The following ITSN2 variants were observed in gnomAD, a reference collection of about 807,000 sequenced individuals.
ITSN2 encodes the protein intersectin 2.
ITSN2 carries 156 observed loss-of-function variants against 243.7 expected under a neutral mutation model. The ratio of observed to expected loss-of-function variants is 0.64; its 90% CI spans 0.56 to 0.73. The LOEUF is 0.73. Among genes scored for constraint, ITSN2 ranks in the 30% least tolerant of loss-of-function variants. The probability of loss-of-function intolerance (pLI) is 0.00; values close to 1 mark genes in which losing one functional copy is unlikely to be tolerated. For missense variants in ITSN2, 1,801 were observed against 1,996.1 expected (o/e 0.90, Z 1.86); for synonymous variants, 703 against 699.9 (o/e 1.00, Z -0.07).
At chr2:24,357,452 C>A (rs1024027655) in intron 1 of ITSN2, among the ~76,000 whole-genome samples, 7 of 152,022 alleles carry the variant, frequency 4.6e-5, no homozygotes, top group Non-Finnish European at 8.8e-5. Flanking sequence ...CAGAGGGGAA[C>A]AACACACACC....
intron 30 of ITSN2, chr2:24,220,436 TATG>T: frequency 1.0e-6 from 1 of 986,992 alleles, no homozygotes; most frequent in Non-Finnish European, 1.2e-6. Context: ...ACAGTAGCTA[TATG>T]ATATTTGGGA....
At chr2:24,276,658 C>T (rs956092958) in intron 17 of ITSN2, among the ~76,000 whole-genome samples, 4 of 152,268 alleles carry the variant, frequency 2.6e-5, no homozygotes, top group East Asian at 1.9e-4. Flanking sequence ...CAACATCTTA[C>T]GTGGTTTTAA....
At chr2:24,295,906 T>C (rs1021459166) in intron 13 of ITSN2, 102 bp from the exon 14 acceptor site, 5 of 842,328 alleles carry the variant, frequency 5.9e-6, no homozygotes, top group Non-Finnish European at 8.6e-6. Context: ...ATCTCAGTTA[T>C]CATTCATATT....
chr2:24,300,615 A>T (rs1413928396), intron 11 of ITSN2, among the ~76,000 whole-genome samples: 2 of 151,954 alleles, frequency 1.3e-5, no homozygotes, highest in Non-Finnish European at 2.9e-5. Context: ...GCTACTCAGG[A>T]GGCTGAGACA....
chr2:24,309,958 G>A (rs1253508960), intron 7 of ITSN2, among the ~76,000 whole-genome samples: 3 of 152,094 alleles, frequency 2.0e-5, no homozygotes, highest in African/African-American at 7.2e-5. Context: ...AATTAACAAT[G>A]TACAATGAGT....
chr2:24,245,388 C>T (rs933018223), intron 29 of ITSN2, among the ~76,000 whole-genome samples: 1 of 151,846 alleles, frequency 6.6e-6, no homozygotes, highest in Admixed American at 6.6e-5. Context: ...ATGTAAACAG[C>T]GAGAAATAAA....
At chr2:24,334,365 T>C (rs952246316) in intron 1 of ITSN2, 2 of 348,686 alleles carry the variant, frequency 5.7e-6, no homozygotes, top group African/African-American at 2.1e-5. Flanking sequence ...AGCCTGATTT[T>C]TGTATTTTTA....
intron 17 of ITSN2, among the ~76,000 whole-genome samples, chr2:24,280,703 G>T (rs918124008): frequency 1.3e-5 from 2 of 152,200 alleles, no homozygotes; most frequent in African/African-American, 4.8e-5. Context: ...GCAACTCCAT[G>T]CTTTTCTGGG....
At chr2:24,257,755 CCAG>C (rs1675254595) in intron 23 of ITSN2, 130 bp downstream of exon 23, 1 of 750,210 alleles carries the variant, frequency 1.3e-6, no homozygotes, top group Non-Finnish European at 2.2e-6. Flanking sequence ...CCACGGCCGG[CCAG>C]AATTACCTTT....
In ITSN2 at chr2:24,307,725, C is replaced by T. The variant is rs138955632; in HGVS notation, c.793+892G>A. 1.5e-3 allele frequency among the ~76,000 whole-genome samples: 227 copies of T among 152,296 alleles called. 1 individual carries two copies. The highest frequency in any genetic ancestry group is 5.1e-3 in the African/African-American group (214 of 41,556). ...AAAGTCTTACTGCTCGTTCCCTTGC[C>T]TCTCTGCATAACTACAGACCCTGGA... On this transcript the variant is annotated intron_variant, in intron 8 of 39. Coordinates refer to ENST00000355123, the MANE Select transcript of ITSN2 (RefSeq NM_006277.3).
intron 29 of ITSN2, among the ~76,000 whole-genome samples, chr2:24,237,741 G>A (rs1672327100): frequency 6.6e-6 from 1 of 152,000 alleles, no homozygotes; most frequent in African/African-American, 2.4e-5. Flanking sequence ...TCAGAACTCC[G>A]TTTCATCATT....
chr2:24,286,810 T>C (rs1309973114), intron 15 of ITSN2, among the ~76,000 whole-genome samples: 3 of 152,182 alleles, frequency 2.0e-5, no homozygotes, highest in African/African-American at 7.2e-5. Flanking sequence ...ACAGCAAAGA[T>C]TCAGTAAGTA....
At chr2:24,259,101 A>G (rs1675453724) in intron 22 of ITSN2, among the ~76,000 whole-genome samples, 1 of 152,212 alleles carries the variant, frequency 6.6e-6, no homozygotes, top group South Asian at 2.1e-4. Context: ...TCCCTAATAC[A>G]CATAGCTTAA....
chr2:24,287,233 C>T (rs560480638), intron 15 of ITSN2, among the ~76,000 whole-genome samples: 24 of 152,216 alleles, frequency 1.6e-4, no homozygotes, highest in African/African-American at 5.3e-4. Flanking sequence ...TCAGGACAAA[C>T]AGATCTAGTT....
chr2:24,350,767 T>G (rs1205663702), intron 1 of ITSN2, among the ~76,000 whole-genome samples: 1 of 152,216 alleles, frequency 6.6e-6, no homozygotes, highest in Non-Finnish European at 1.5e-5. Flanking sequence ...TATTGTATAA[T>G]TCCATTTATA....
intron 1 of ITSN2, among the ~76,000 whole-genome samples, chr2:24,356,206 A>T (rs1431445076): frequency 6.6e-6 from 1 of 150,906 alleles, no homozygotes; most frequent in Non-Finnish European, 1.5e-5. Context: ...CCATCTCAAA[A>T]AAAAAAAAAA....
At chr2:24,221,539 A>G (rs1447911443) in intron 29 of ITSN2, 1 of 153,576 alleles carries the variant, frequency 6.5e-6, no homozygotes, top group African/African-American at 2.4e-5. Context: ...AATATTGTGA[A>G]ATGTTTAGTT....
Position 24,210,042 on chromosome 2 carries a change from GAA to G in ITSN2, c.4258-11_4258-10del. ...GAGTTGAAAATAAGTTGCTTAAAGA[GAA>G]AGAAAATTTCACTTTTTAAATCCCG... On this transcript the variant is annotated splice_polypyrimidine_tract_variant and intron_variant, in intron 34 of 39. Coordinates refer to ENST00000355123, the MANE Select transcript of ITSN2 (RefSeq NM_006277.3). The G allele has an allele frequency of 6.2e-7, 1 of 1,605,402 alleles. No individual in the cohort carries two copies. Among genetic ancestry groups the G allele is most frequent in the Non-Finnish European group, 8.5e-7 (1 of 1,172,632 alleles).
In ITSN2 at chr2:24,246,686, A is replaced by G. The variant is rs1255528253; in HGVS notation, c.3385+111T>C. The G allele has an allele frequency of 8.5e-6, 6 of 708,402 alleles. No individual in the cohort carries two copies. The East Asian group carries it at 1.3e-4, about 15-fold the overall frequency. 43.9% of individuals were successfully genotyped at this position (708,402 alleles called of 1,614,324 possible). On this transcript the variant is annotated intron_variant, in intron 28 of 39. Coordinates refer to ENST00000355123, the MANE Select transcript of ITSN2 (RefSeq NM_006277.3). ...AGTGGCATGTCCCTTTTAAGCAGAC[A>G]TAAGGAAAGAACACATTTTTAATGT...
Sources: gnomAD v4.1 joint callset for allele counts (sites outside exome capture counted in the v4.1 genomes callset) on GRCh38, gnomAD v4.1.1 for gene constraint, MANE v1.5 for transcripts, NCBI Gene and HGNC (gene_info 2026-07-23, HGNC 2026-07-21) for gene names.